Variants in SCAPER observed in about 807,000 individuals in gnomAD.
SCAPER encodes S-phase cyclin A associated protein in the ER.
SCAPER carries 98 observed loss-of-function variants against 182.2 expected under a neutral mutation model. The ratio of observed to expected loss-of-function variants is 0.54; its 90% CI spans 0.46 to 0.64. The LOEUF (loss-of-function observed/expected upper bound fraction) is 0.64. Ranked by LOEUF, SCAPER falls within the 30% of genes least tolerant of loss-of-function variation. The pLI is 0.00. For missense variants in SCAPER, 1,432 were observed against 1,690.0 expected (o/e 0.85, Z 2.68); for synonymous variants, 605 against 564.6 (o/e 1.07, Z -1.01).
intron 24 of SCAPER, among the ~76,000 whole-genome samples, chr15:76,477,667 T>C (rs1567222557): frequency 6.6e-6 from 1 of 152,166 alleles, no homozygotes; most frequent in African/African-American, 2.4e-5. Context: ...ATAATCTCAT[T>C]AAAGCAAATA....
intron 21 of SCAPER, among the ~76,000 whole-genome samples, chr15:76,647,182 T>C (rs947687104): frequency 6.6e-6 from 1 of 152,172 alleles, no homozygotes. Context: ...AATGTGTAAA[T>C]ATATAAACAG....
chr15:76,381,742 CA>C (rs1456965647), intron 27 of SCAPER, 127 bp from the exon 28 acceptor site: 1 of 721,472 alleles, frequency 1.4e-6, no homozygotes, highest in Admixed American at 2.9e-5. Context: ...AGTATGGTAA[CA>C]AGAAACTTCA....
chr15:76,625,776 G>A (rs1259502050), intron 21 of SCAPER, among the ~76,000 whole-genome samples: 1 of 152,082 alleles, frequency 6.6e-6, no homozygotes, highest in African/African-American at 2.4e-5. Context: ...TCCACGGTGG[G>A]AATGTGGACT....
In SCAPER at chr15:76,826,343, A is replaced by G. The variant is rs559243766; in HGVS notation, c.393+15391T>C. The stretch of plus-strand genomic sequence containing the variant: ...AACCAAACACCGCATATTCTCACTC[A>G]TAGGTGGGAACTGAACAATGAGAAC... On this transcript the variant is annotated intron_variant, in intron 5 of 31. Transcript: ENST00000563290. Among the ~76,000 whole-genome samples, 225 of 145,774 alleles carry G rather than the reference A, an allele frequency of 1.5e-3. 2 individuals are homozygous for G. Among genetic ancestry groups the G allele is most frequent in the African/African-American group, 5.2e-3 (204 of 39,424 alleles).
intron 21 of SCAPER, among the ~76,000 whole-genome samples, chr15:76,654,975 C>T (rs1044418826): frequency 2.6e-5 from 4 of 152,192 alleles, no homozygotes; most frequent in Non-Finnish European, 5.9e-5. Context: ...GCAAGAACTA[C>T]GGTATCTCAA....
chr15:76,781,684 G>T (rs2151387771), intron 8 of SCAPER, among the ~76,000 whole-genome samples: 1 of 152,278 alleles, frequency 6.6e-6, no homozygotes, highest in Non-Finnish European at 1.5e-5. Flanking sequence ...GACTAACAGT[G>T]GATCTCTCGA....
chr15:76,800,872 T>C (rs2065733620), intron 6 of SCAPER, among the ~76,000 whole-genome samples: 1 of 152,192 alleles, frequency 6.6e-6, no homozygotes, highest in South Asian at 2.1e-4. Flanking sequence ...CACTGCTCTT[T>C]GCTGGGAAAG....
chr15:76,809,410 G>A (rs1433370264), intron 5 of SCAPER, among the ~76,000 whole-genome samples: 1 of 151,896 alleles, frequency 6.6e-6, no homozygotes, highest in Non-Finnish European at 1.5e-5. Flanking sequence ...CCAAGAGACA[G>A]AAAATACAAA....
In SCAPER at chr15:76,600,385, A is replaced by ATG. The variant is rs1484037449; in HGVS notation, c.2711+21378_2711+21379insCA. ...AATAGCATACTTGGAAAGTGTGTGT[A>ATG]TATGTGTGTGTGTGTGTGTGTGTGT... On this transcript the variant is annotated intron_variant, in intron 22 of 31. Transcript: ENST00000563290. Among the ~76,000 whole-genome samples, 5 of 38,368 alleles carry ATG rather than the reference A, an allele frequency of 1.3e-4. 1 individual carries two copies. The highest frequency in any genetic ancestry group is 2.6e-4 in the African/African-American group (5 of 19,534). 25.2% of individuals were successfully genotyped at this position (38,368 alleles called of 152,430 possible). A position where few individuals can be genotyped will look rare whatever the true frequency, so the allele number is the denominator to read the frequency against.
In SCAPER at chr15:76,876,053, CTCCCAGCTGCTG is replaced by C. The variant is rs545688871; in HGVS notation, c.6+7747_6+7758del. 2.3e-3 allele frequency among the ~76,000 whole-genome samples: 348 copies of C among 152,324 alleles called. 1 individual carries two copies. Among genetic ancestry groups the C allele is most frequent in the African/African-American group, 8.0e-3 (334 of 41,574 alleles). ...GCACTGCTGGGGGACCCAGCGCACC[CTCCCAGCTGCTG>C]GCCCAGGTGCTAAGCCCCTCACTGC... On this transcript the variant is annotated intron_variant, in intron 2 of 31. Coordinates refer to ENST00000563290, the MANE Select transcript of SCAPER (RefSeq NM_020843.4).
intron 23 of SCAPER, among the ~76,000 whole-genome samples, chr15:76,505,746 T>C (rs1043877305): frequency 2.0e-5 from 3 of 152,182 alleles, no homozygotes; most frequent in African/African-American, 4.8e-5. Context: ...GGTAGGTATA[T>C]GCCCAAAAGA....
intron 15 of SCAPER, among the ~76,000 whole-genome samples, chr15:76,737,693 T>C (rs1598442163): frequency 6.6e-6 from 1 of 152,254 alleles, no homozygotes; most frequent in Non-Finnish European, 1.5e-5. Flanking sequence ...GGTTCTTTCA[T>C]CTGCATTGCA....
intron 25 of SCAPER, among the ~76,000 whole-genome samples, chr15:76,444,629 G>T (rs1283792295): frequency 6.6e-6 from 1 of 152,066 alleles, no homozygotes; most frequent in African/African-American, 2.4e-5. Context: ...TACATCTTTT[G>T]CCAAATTTGG....
chr15:76,370,427 C>A lies in SCAPER; in HGVS notation c.3855+5735G>T, dbSNP rs140187096. On this transcript the variant is annotated intron_variant, in intron 29 of 31. Coordinates refer to ENST00000563290, the MANE Select transcript of SCAPER (RefSeq NM_020843.4). The stretch of plus-strand genomic sequence containing the variant: ...TCAAGCGATTCTCCTGCCTCAGCCT[C>A]CCAAGTAGCTGGGACTACAGGCATG... Among the ~76,000 whole-genome samples the A allele has an allele frequency of 3.9e-3, 595 of 151,652 alleles. 3 individuals are homozygous for A. Among genetic ancestry groups the A allele is most frequent in the Admixed American group, 6.8e-3 (104 of 15,240 alleles).
intron 10 of SCAPER, among the ~76,000 whole-genome samples, chr15:76,768,979 ATATGT>A (rs1397433812): frequency 6.6e-6 from 1 of 152,220 alleles, no homozygotes; most frequent in African/African-American, 2.4e-5. Flanking sequence ...CTCAAAATAA[ATATGT>A]TGAGTGAAAG....
At chr15:76,511,888 T>A (rs1445879326) in intron 23 of SCAPER, among the ~76,000 whole-genome samples, 3,164 of 116,266 alleles carry the variant, frequency 0.027, 83 homozygotes, top group African/African-American at 0.08. Context: ...TATATATATT[T>A]TTTTTTTTTT....
chr15:76,418,229 T>C (rs2045793209), intron 26 of SCAPER, among the ~76,000 whole-genome samples: 1 of 152,166 alleles, frequency 6.6e-6, no homozygotes, highest in African/African-American at 2.4e-5. Context: ...AAGCCCAGGA[T>C]ACCACCACAG....
In SCAPER at chr15:76,574,374, C is replaced by G. The variant is rs944498567; in HGVS notation, c.2712-90G>C. 2.9e-5 allele frequency: 42 copies of G among 1,434,718 alleles called. No homozygotes were observed. In the Middle Eastern group the frequency reaches 2.3e-3, roughly 79 times the overall value. The allele number at this position is 1,434,718 out of a possible 1,614,324, so 88.9% of individuals were successfully genotyped here. ...AACACTTTGAAACACAAGTTACTTT[C>G]AGTATTGGATTTGAAAATGCTTCAC... On this transcript the variant is annotated intron_variant, in intron 22 of 31. Transcript: ENST00000563290.
At chr15:76,389,077 C>A (rs2043480909) in intron 27 of SCAPER, among the ~76,000 whole-genome samples, 1 of 152,064 alleles carries the variant, frequency 6.6e-6, no homozygotes, top group South Asian at 2.1e-4. Flanking sequence ...TTGTTTAATG[C>A]AAATCTAATT....
Sources: allele counts gnomAD v4.1 joint callset (sites outside exome capture counted in the v4.1 genomes callset), GRCh38; gene constraint gnomAD v4.1.1; transcripts MANE v1.5; gene names NCBI Gene and HGNC (gene_info 2026-07-23, HGNC 2026-07-21).